Variants in FBRSL1 observed in about 807,000 individuals in gnomAD.
The protein encoded by FBRSL1 is fibrosin-1-like protein.
A neutral mutation model predicts 89.6 loss-of-function variants in FBRSL1; 51 were observed. The ratio of observed to expected loss-of-function variants is 0.57; its 90% CI spans 0.45 to 0.72. The LOEUF (loss-of-function observed/expected upper bound fraction) is 0.72. Among genes scored for constraint, FBRSL1 ranks in the 30% least tolerant of loss-of-function variants. The pLI is 0.00. For synonymous variants in FBRSL1, 779 were observed against 681.1 expected (o/e 1.14, Z -2.24); for missense variants, 1,618 against 1,451.8 (o/e 1.11, Z -1.86).
chr12:132,581,661 C>G (rs935364722), intron 16 of FBRSL1, 80 bp from the exon 17 acceptor site: 1 of 1,505,132 alleles, frequency 6.6e-7, no homozygotes, highest in Admixed American at 2.0e-5. Context: ...CCCAAAGCCT[C>G]TACAGCAGCC....
Position 132,544,950 on chromosome 12 carries a change from A to T in FBRSL1, c.616-3053A>T, listed in dbSNP as rs564444769. 1.7e-4 allele frequency among the ~76,000 whole-genome samples: 26 copies of T among 152,338 alleles called. No individual in the cohort carries two copies. In the Middle Eastern group the frequency reaches 0.01, roughly 60 times the overall value. On this transcript the variant is annotated intron_variant, in intron 4 of 18. Coordinates refer to ENST00000680143, the MANE Select transcript of FBRSL1 (RefSeq NM_001367871.1). ...CAAGCACTGCCTTAGTGCTTTGCACATATTCACTTATTTAAGCCACACAGT... is the reference window on the plus strand; with the variant it reads ...CAAGCACTGCCTTAGTGCTTTGCACTTATTCACTTATTTAAGCCACACAGT...
At chr12:132,570,579 TG>T (rs3833800) in intron 8 of FBRSL1, 39 bp downstream of exon 8, 4 of 1,440,502 alleles carry the variant, frequency 2.8e-6, no homozygotes, top group African/African-American at 1.5e-5. Flanking sequence ...GGGCAGGGGT[TG>T]GGGGGTGCGG....
intron 5 of FBRSL1, chr12:132,551,259 G>T (rs1476623481): frequency 1.3e-5 from 5 of 384,902 alleles, no homozygotes; most frequent in Non-Finnish European, 2.1e-5. Context: ...GAAGGTCCCC[G>T]AGTGCCCACA....
chr12:132,528,174 A>G (rs1442280766), intron 4 of FBRSL1, among the ~76,000 whole-genome samples, 186 bp downstream of exon 4: 1 of 151,926 alleles, frequency 6.6e-6, no homozygotes, highest in Non-Finnish European at 1.5e-5. Flanking sequence ...CAAGCTCCAG[A>G]GTGAAGATTT....
intron 4 of FBRSL1, among the ~76,000 whole-genome samples, chr12:132,537,093 G>A (rs572734673): frequency 1.6e-4 from 25 of 152,196 alleles, no homozygotes; most frequent in Non-Finnish European, 1.5e-4. Flanking sequence ...ACAGCTGGAG[G>A]GCCAGAGCAC....
At chr12:132,491,284 T>C (rs1203140040) in intron 1 of FBRSL1, among the ~76,000 whole-genome samples, 3 of 152,190 alleles carry the variant, frequency 2.0e-5, no homozygotes, top group African/African-American at 7.2e-5. Context: ...CCTCCTCCCT[T>C]CGAGGGCTCT....
chr12:132,530,509 C>T (rs2036169488), intron 4 of FBRSL1, among the ~76,000 whole-genome samples: 1 of 151,758 alleles, frequency 6.6e-6, no homozygotes, highest in Non-Finnish European at 1.5e-5. Flanking sequence ...CTCCTGTGGC[C>T]ACCCCAGCTG....
intron 6 of FBRSL1, among the ~76,000 whole-genome samples, chr12:132,569,217 G>A (rs532124010): frequency 8.0e-6 from 1 of 125,046 alleles, no homozygotes; most frequent in Admixed American, 7.6e-5. Context: ...GTGCGGGGGT[G>A]GGGGGGGCAG....
chr12:132,581,497 G>A lies in FBRSL1; in HGVS notation c.1893G>A (p.Leu631=). ...FGPSAHPGSF[L]PTGPLTDPFS... ...CCTCAGCCCATCCTGGCAGCTTCCT[G>A]CCCACTGGCCCCCTGACAGGTGGGT... Residue 631 remains leucine (L), a synonymous_variant, in exon 16 of 19, where the codon CTG becomes CTA. Transcript: ENST00000680143. 1.3e-6 allele frequency: 2 copies of A among 1,551,076 alleles called. No homozygotes were observed. Among genetic ancestry groups the A allele is most frequent in the Non-Finnish European group, 1.7e-6 (2 of 1,146,936 alleles).
Position 132,499,676 on chromosome 12 carries a change from G to A in FBRSL1, c.292-8477G>A, listed in dbSNP as rs1039258504. 2.0e-5 allele frequency among the ~76,000 whole-genome samples: 3 copies of A among 151,814 alleles called. No homozygotes were observed. Among genetic ancestry groups the A allele is most frequent in the African/African-American group, 7.3e-5 (3 of 41,304 alleles). ...TACAGGTTTGGGGTGCCGGTGGCAG[G>A]CAGGCTGGAGACAGCTGGGGGCTGT... On this transcript the variant is annotated intron_variant, in intron 1 of 18. Coordinates refer to ENST00000680143, the MANE Select transcript of FBRSL1 (RefSeq NM_001367871.1). The surrounding 1 kb of genome is among the most constrained non-coding windows in gnomAD (Gnocchi z 4.3).
chr12:132,509,771 A>T, intron 2 of FBRSL1: 1 of 1,231,114 alleles, frequency 8.1e-7, no homozygotes. Context: ...CCGGTAGGGC[A>T]TCCTCAGGAC....
rs1336008911 is a variant in FBRSL1, at chr12:132,583,485, C to T, written c.2716C>T (p.Arg906Trp). The change falls in exon 19 of 19, where the codon CGG becomes TGG. Residue 906 changes from arginine (R) to tryptophan (W), a missense_variant. Arg to Trp is a moderately radical substitution (Grantham distance 101). Coordinates refer to ENST00000680143, the MANE Select transcript of FBRSL1 (RefSeq NM_001367871.1). ...ERLRGELERA[R>W]APHLPPAAPA... Reference sequence around the variant, plus strand: ...CCTGCGCGGGGAGCTGGAGCGCGCGCGGGCCCCGCACCTGCCGCCCGCCGC... The same window carrying T: ...CCTGCGCGGGGAGCTGGAGCGCGCGTGGGCCCCGCACCTGCCGCCCGCCGC... 2 of 1,051,136 alleles carry T rather than the reference C, an allele frequency of 1.9e-6. No individual in the cohort carries two copies. Among genetic ancestry groups the T allele is most frequent in the East Asian group, 9.1e-5 (1 of 10,998 alleles). The allele number at this position is 1,051,136 out of a possible 1,614,324, so 65.1% of individuals were successfully genotyped here. A position where few individuals can be genotyped will look rare whatever the true frequency, so the allele number is the denominator to read the frequency against.
At chr12:132,531,106 C>T (rs2036239924) in intron 4 of FBRSL1, among the ~76,000 whole-genome samples, 1 of 152,014 alleles carries the variant, frequency 6.6e-6, no homozygotes, top group Middle Eastern at 3.2e-3. Context: ...GCACTGAGGA[C>T]TGGAGGCAGG....
chr12:132,549,046 G>T (rs79484848), intron 5 of FBRSL1, among the ~76,000 whole-genome samples: 1,775 of 152,330 alleles, frequency 0.012, 45 homozygotes, highest in East Asian at 0.12. Context: ...TGAGGGCCCG[G>T]TGGGGGTCCA....
intron 5 of FBRSL1, among the ~76,000 whole-genome samples, chr12:132,560,867 C>T (rs1337719107): frequency 6.6e-6 from 1 of 152,240 alleles, no homozygotes; most frequent in South Asian, 2.1e-4. Context: ...GGTCACGTCC[C>T]TGCAGACCAT....
intron 5 of FBRSL1, chr12:132,559,984 CCTCGGGGCCCGCGCCGCGCCCGACGT>C (rs2038973508): frequency 6.8e-6 from 1 of 147,762 alleles, no homozygotes; most frequent in African/African-American, 2.4e-5. Context: ...GCGCCCGCCG[CCTCGGGGCCCGCGCCGCGCCCGACGT>C]CCGCCCGGGA....
chr12:132,511,157 G>A (rs533158857), intron 2 of FBRSL1: 42 of 985,448 alleles, frequency 4.3e-5, no homozygotes, highest in Non-Finnish European at 4.9e-5. Context: ...CATCTGGTGG[G>A]TCAGGACCTG....
At chr12:132,551,116 G>A in intron 5 of FBRSL1, 1 of 341,488 alleles carries the variant, frequency 2.9e-6, no homozygotes, top group Non-Finnish European at 5.8e-6. Flanking sequence ...GAGGGACAGA[G>A]CCCTGCAGGC....
chr12:132,548,691 G>A (rs947003597), intron 5 of FBRSL1, among the ~76,000 whole-genome samples: 10 of 152,206 alleles, frequency 6.6e-5, no homozygotes, highest in East Asian at 3.9e-4. Context: ...CCCGGAGGGC[G>A]AGGAGGCCAG....
Sources: allele counts gnomAD v4.1 joint callset (sites outside exome capture counted in the v4.1 genomes callset), GRCh38; gene constraint gnomAD v4.1.1; non-coding constraint Gnocchi (gnomAD v3.1); transcripts MANE v1.5; gene names NCBI Gene and HGNC (gene_info 2026-07-23, HGNC 2026-07-21).